The following ANKRD26 variants were observed in gnomAD, a reference collection of about 807,000 sequenced individuals.
ANKRD26 encodes the protein ankyrin repeat domain 26, also known as ankyrin repeat domain-containing protein 26.
A neutral mutation model predicts 208.7 loss-of-function variants in ANKRD26; 141 were observed. The ratio of observed to expected loss-of-function variants is 0.68; its 90% CI spans 0.59 to 0.78. The LOEUF (loss-of-function observed/expected upper bound fraction) is 0.78. Among genes scored for constraint, ANKRD26 ranks in the 30% least tolerant of loss-of-function variants. The pLI is 0.00. For synonymous variants in ANKRD26, 636 were observed against 660.4 expected (o/e 0.96, Z 0.57); for missense variants, 1,889 against 1,938.7 (o/e 0.97, Z 0.48).
chr10:27,066,245 C>CTTT, intron 11 of ANKRD26: 3 of 276,440 alleles, frequency 1.1e-5, no homozygotes, highest in East Asian at 6.5e-5. Context: ...CTTTTCTTTT[C>CTTT]TTTTTTTTTT....
intron 9 of ANKRD26, 22 bp from the exon 10 acceptor site, chr10:27,067,308 A>C: frequency 6.2e-7 from 1 of 1,610,098 alleles, no homozygotes; most frequent in Non-Finnish European, 8.5e-7. Context: ...AAAAACAAAC[A>C]AACAAAAAAC....
intron 5 of ANKRD26, chr10:26,992,121 T>C (rs926771621): frequency 6.6e-6 from 1 of 151,824 alleles, no homozygotes; most frequent in Admixed American, 6.6e-5. Context: ...GTGAGGGAGG[T>C]ATGTAACTTT....
chr10:26,967,247 G>A, the ANKRD26 span, among the ~76,000 whole-genome samples: 1 of 152,094 alleles, frequency 6.6e-6, no homozygotes, highest in Non-Finnish European at 1.5e-5. Context: ...ATAGCTAAAG[G>A]ACAGATAGAT....
intron 27 of ANKRD26, among the ~76,000 whole-genome samples, chr10:27,027,191 A>G (rs1233389035): frequency 6.6e-6 from 1 of 152,250 alleles, no homozygotes; most frequent in Non-Finnish European, 1.5e-5. Context: ...TGGAGCAGCC[A>G]TTTCTACTTT....
rs1589377215 is a variant in ANKRD26 at position 27,092,349 on chromosome 10, T to TA, written c.638+56dup. 1.9e-5 allele frequency: 26 copies of TA among 1,340,928 alleles called. No homozygotes were observed. The East Asian group carries it at 5.5e-4, about 28-fold the overall frequency. 83.1% of individuals were successfully genotyped at this position (1,340,928 alleles called of 1,614,324 possible). On this transcript the variant is annotated intron_variant, in intron 4 of 33. Transcript: ENST00000376087. ...ACCTGTAACATGCAAAACACAGATC[T>TA]AAAAAAACTTTTAAACATACAAGTT...
chr10:27,030,354 G>A, intron 25 of ANKRD26: 1 of 976,220 alleles, frequency 1.0e-6, no homozygotes, highest in South Asian at 4.7e-5. Context: ...TGACCACAAT[G>A]CAAACAGCAC....
downstream of ANKRD26, among the ~76,000 whole-genome samples, chr10:26,991,524 C>A (rs888153223): frequency 5.9e-5 from 9 of 151,940 alleles, no homozygotes; most frequent in African/African-American, 1.9e-4. Context: ...GCAACTGCAA[C>A]CTCTGCCTCC....
intron 16 of ANKRD26, chr10:27,051,983 A>C: frequency 1.0e-6 from 1 of 985,368 alleles, no homozygotes; most frequent in Non-Finnish European, 1.2e-6. Context: ...TTTGCACACA[A>C]GGAAGTCCTG....
the ANKRD26 span, among the ~76,000 whole-genome samples, chr10:26,952,777 T>C: frequency 6.6e-6 from 1 of 152,240 alleles, no homozygotes; most frequent in African/African-American, 2.4e-5. Context: ...ACATACGGCA[T>C]TCACAAGTAG....
intron 3 of ANKRD26, 151 bp from the exon 4 acceptor site, chr10:27,092,663 C>G (rs2056338244): frequency 4.5e-6 from 3 of 668,930 alleles, no homozygotes; most frequent in Non-Finnish European, 7.8e-6. Context: ...CCTCCTCTGC[C>G]TCACCACATG....
chr10:27,040,929 G>A (rs2135255346), intron 20 of ANKRD26, among the ~76,000 whole-genome samples: 2 of 152,000 alleles, frequency 1.3e-5, no homozygotes, highest in Admixed American at 1.3e-4. Flanking sequence ...ACTTGGGGGG[G>A]CCGAGGCAGG....
chr10:27,079,034 C>T, intron 7 of ANKRD26, 55 bp downstream of exon 7: 1 of 1,465,944 alleles, frequency 6.8e-7, no homozygotes, highest in South Asian at 1.1e-5. Flanking sequence ...TAAGAGAATA[C>T]TATACGAAAC....
At chr10:26,963,903 G>GTTTTTTTTTTTTTTTTT in the ANKRD26 span, among the ~76,000 whole-genome samples, 38 of 71,832 alleles carry the variant, frequency 5.3e-4, 7 homozygotes, top group East Asian at 4.4e-3. Flanking sequence ...TGGTTGGTTG[G>GTTTTTTTTTTTTTTTTT]TTTTTTTTTT....
chr10:27,044,137 T>C lies in ANKRD26; in HGVS notation c.2019+20A>G, dbSNP rs536336635. 2 of 1,352,670 alleles carry C rather than the reference T, an allele frequency of 1.5e-6. No homozygotes were observed. Among genetic ancestry groups the C allele is most frequent in the Admixed American group, 2.2e-5 (1 of 46,034 alleles). The allele number at this position is 1,352,670 out of a possible 1,614,324, so 83.8% of individuals were successfully genotyped here. On this transcript the variant is annotated intron_variant, in intron 19 of 33. Transcript: ENST00000376087. ...GTATTTTTTTAAACAATAATTTTGA[T>C]AATTTATTTTTTACAGTACCTTGTT...
chr10:26,967,571 T>C, the ANKRD26 span, among the ~76,000 whole-genome samples: 1 of 152,246 alleles, frequency 6.6e-6, no homozygotes, highest in African/African-American at 2.4e-5. Flanking sequence ...TCCAAAAACA[T>C]GTTTCTAAAT....
intron 32 of ANKRD26, among the ~76,000 whole-genome samples, chr10:27,007,618 T>C (rs2052937084): frequency 6.6e-6 from 1 of 152,200 alleles, no homozygotes; most frequent in Non-Finnish European, 1.5e-5. Context: ...ATTGCACCAC[T>C]GCACTCCAGC....
At chr10:27,093,854 A>G in intron 1 of ANKRD26, 55 bp from the exon 2 acceptor site, 1 of 1,296,286 alleles carries the variant, frequency 7.7e-7, no homozygotes, top group Non-Finnish European at 1.1e-6. Context: ...CAAAACATAC[A>G]ATGGTTCATA....
At chr10:26,973,213 C>T (rs1467642677), downstream of ANKRD26, among the ~76,000 whole-genome samples, 1 of 152,082 alleles carries the variant, frequency 6.6e-6, no homozygotes, top group Non-Finnish European at 1.5e-5. Context: ...TATTAAAATT[C>T]TATGAATTAA....
At chr10:27,099,970 G>GCA in intron 1 of ANKRD26, 115 bp downstream of exon 1, 1 of 1,548,026 alleles carries the variant, frequency 6.5e-7, no homozygotes, top group Non-Finnish European at 8.8e-7. Flanking sequence ...CCGTCCCAGG[G>GCA]GCTACGGAGC....
Sources: allele counts gnomAD v4.1 joint callset (sites outside exome capture counted in the v4.1 genomes callset), GRCh38; gene constraint gnomAD v4.1.1; transcripts MANE v1.5; gene names NCBI Gene and HGNC (gene_info 2026-07-23, HGNC 2026-07-21).